DZIP1: variants seen among roughly 807,000 people sequenced by gnomAD.
DZIP1 encodes cilium assembly protein DZIP1.
Under a neutral mutation model 107.6 loss-of-function variants are expected in DZIP1, and 97 were observed. That is an observed-to-expected ratio of 0.90 (90% CI 0.77 to 1.07). The LOEUF (loss-of-function observed/expected upper bound fraction) is 1.07, where lower values mean the gene tolerates loss of function less well. Among genes scored for constraint, DZIP1 ranks in the 50% least tolerant of loss-of-function variants. The probability of loss-of-function intolerance (pLI) is 0.00; values close to 1 mark genes in which losing one functional copy is unlikely to be tolerated. For synonymous variants in DZIP1, 390 were observed against 386.4 expected, an observed-to-expected ratio of 1.01 and a Z score of -0.11; for missense variants, 1,035 against 1,063.6, an observed-to-expected ratio of 0.97 and a Z score of 0.37.
chr13:95,621,396 C>T (rs1025153553), intron 9 of DZIP1, among the ~76,000 whole-genome samples: 40 of 152,156 alleles, frequency 2.6e-4, no homozygotes, highest in Admixed American at 2.6e-4. Flanking sequence ...AGGACAGGGA[C>T]ATGGTCAGCC....
chr13:95,608,299 G>T (rs1246795024), intron 13 of DZIP1, among the ~76,000 whole-genome samples: 1 of 151,744 alleles, frequency 6.6e-6, no homozygotes, highest in African/African-American at 2.4e-5. Context: ...ATACAAATGT[G>T]TACATTTTAA....
intron 1 of DZIP1, among the ~76,000 whole-genome samples, 166 bp from the exon 2 acceptor site, chr13:95,643,864 T>C (rs532878125): frequency 3.9e-5 from 6 of 152,318 alleles, no homozygotes; most frequent in African/African-American, 1.4e-4. Context: ...TAACCCATGA[T>C]CTGGGCCAAG....
intron 12 of DZIP1, among the ~76,000 whole-genome samples, chr13:95,610,956 CT>C (rs1226987187): frequency 2.6e-5 from 4 of 152,214 alleles, no homozygotes; most frequent in Non-Finnish European, 5.9e-5. Context: ...CTCCAGAAAC[CT>C]TGTTTCTTTA....
intron 15 of DZIP1, among the ~76,000 whole-genome samples, chr13:95,595,356 T>C (rs182144185): frequency 1.5e-4 from 20 of 130,338 alleles, no homozygotes; most frequent in Admixed American, 1.1e-3. Context: ...GTCAAATTAC[T>C]TTTGTGTACA....
chr13:95,635,222 T>C (rs1386774641), intron 5 of DZIP1, among the ~76,000 whole-genome samples: 1 of 149,776 alleles, frequency 6.7e-6, no homozygotes, highest in Non-Finnish European at 1.5e-5. Flanking sequence ...TTTTTTTAAG[T>C]GTCTCCCTCT....
At chr13:95,611,906 A>T in intron 11 of DZIP1, 131 bp downstream of exon 11, 1 of 1,169,962 alleles carries the variant, frequency 8.5e-7, no homozygotes. Flanking sequence ...TTTTACAAGC[A>T]ATCACAAGGG....
intron 3 of DZIP1, 89 bp from the exon 4 acceptor site, chr13:95,642,330 G>T (rs1473807051): frequency 8.5e-6 from 3 of 350,978 alleles, no homozygotes; most frequent in Non-Finnish European, 1.5e-5. Context: ...CGGCTCCCCA[G>T]GGCGCCACCC....
intron 18 of DZIP1, 84 bp from the exon 19 acceptor site, chr13:95,589,291 T>A: frequency 8.4e-7 from 1 of 1,187,232 alleles, no homozygotes; most frequent in South Asian, 1.4e-5. Flanking sequence ...CTGGTGATTT[T>A]TGCTTTTGAC....
chr13:95,596,618 T>C (rs1291855643), intron 15 of DZIP1, among the ~76,000 whole-genome samples: 1 of 152,188 alleles, frequency 6.6e-6, no homozygotes, highest in Non-Finnish European at 1.5e-5. Context: ...TTGTCACTAA[T>C]TAAACTCAAC....
At chr13:95,591,022 CTT>C (rs755824494) in intron 16 of DZIP1, among the ~76,000 whole-genome samples, 9 of 127,440 alleles carry the variant, frequency 7.1e-5, no homozygotes, top group Admixed American at 7.9e-5. Flanking sequence ...GAGGTGACTT[CTT>C]TTTTTTTTTT....
At chr13:95,627,801 T>C (rs1876721039) in intron 7 of DZIP1, among the ~76,000 whole-genome samples, 1 of 152,012 alleles carries the variant, frequency 6.6e-6, no homozygotes, top group African/African-American at 2.4e-5. Flanking sequence ...TCAAGAAAAA[T>C]GAAAACATAT....
Position 95,585,904 on chromosome 13 carries a change from C to T in DZIP1, c.2349+102G>A, listed in dbSNP as rs367884060. On this transcript the variant is annotated intron_variant, in intron 21 of 22. Coordinates refer to ENST00000376829, the MANE Select transcript of DZIP1 (RefSeq NM_198968.4). ...GGTGAAAATCTCAACCTCTACTCTA[C>T]CAGCTAACTATCTGTTTTATATTTC... is the stretch of plus-strand genomic sequence containing the variant. The T allele has an allele frequency of 5.2e-4, 625 of 1,208,104 alleles. 3 individuals carry two copies. In the African/African-American group the frequency reaches 8.6e-3, roughly 17 times the overall value. The allele number at this position is 1,208,104 out of a possible 1,614,324, so 74.8% of individuals were successfully genotyped here. A position where few individuals can be genotyped will look rare whatever the true frequency, so the allele number is the denominator to read the frequency against.
chr13:95,638,454 G>T (rs557092309), intron 5 of DZIP1, among the ~76,000 whole-genome samples: 10 of 152,016 alleles, frequency 6.6e-5, no homozygotes, highest in Non-Finnish European at 1.5e-5. Context: ...GCACTTTTTT[G>T]TATGTTTATA....
At chr13:95,623,690 C>T (rs1029781466) in intron 8 of DZIP1, among the ~76,000 whole-genome samples, 1 of 152,170 alleles carries the variant, frequency 6.6e-6, no homozygotes, top group Non-Finnish European at 1.5e-5. Flanking sequence ...AATGTAATCC[C>T]AGCACTTTGG....
At position 95,604,999 on chromosome 13, in the gene DZIP1, A is replaced by G. The variant is rs376285202; in HGVS notation, c.1477+1004T>C. On this transcript the variant is annotated intron_variant, in intron 14 of 22. Coordinates refer to ENST00000376829, the MANE Select transcript of DZIP1 (RefSeq NM_198968.4). ...AACACTTGTAAATAAGAAGATCAAT[A>G]TGTGGAGAATTTACACATTACGTAT... Among the ~76,000 whole-genome samples the G allele has an allele frequency of 8.5e-5, 13 of 152,352 alleles. No individual in the cohort carries two copies. The South Asian group carries it at 1.0e-3, about 12-fold the overall frequency.
At chr13:95,583,529 G>A (rs923174205) in intron 22 of DZIP1, among the ~76,000 whole-genome samples, 1 of 151,896 alleles carries the variant, frequency 6.6e-6, no homozygotes, top group African/African-American at 2.4e-5. Flanking sequence ...GAATTACTTT[G>A]ACAAAAAAAT....
intron 9 of DZIP1, among the ~76,000 whole-genome samples, chr13:95,620,904 A>G (rs1326870575): frequency 6.6e-6 from 1 of 152,210 alleles, no homozygotes; most frequent in Non-Finnish European, 1.5e-5. Context: ...AGCAACTGTC[A>G]ACAGTTCAGT....
chr13:95,600,691 C>A (rs2044596732), intron 14 of DZIP1, among the ~76,000 whole-genome samples: 1 of 152,064 alleles, frequency 6.6e-6, no homozygotes. Context: ...GCTTAGCCAG[C>A]AACCTAGTCA....
At chr13:95,629,354 C>T (rs1398610395) in intron 7 of DZIP1, among the ~76,000 whole-genome samples, 3 of 152,172 alleles carry the variant, frequency 2.0e-5, no homozygotes, top group Admixed American at 2.0e-4. Context: ...TTCATCACCC[C>T]GAGTATCTCT....
Sources: allele counts gnomAD v4.1 joint callset (sites outside exome capture counted in the v4.1 genomes callset), GRCh38; gene constraint gnomAD v4.1.1; transcripts MANE v1.5; gene names NCBI Gene and HGNC (gene_info 2026-07-23, HGNC 2026-07-21).